Variants in CSMD1 observed in about 807,000 individuals in gnomAD.
The protein encoded by CSMD1 is CUB and sushi domain-containing protein 1.
Under a neutral mutation model 417.5 loss-of-function variants are expected in CSMD1, and 213 were observed. The ratio of observed to expected loss-of-function variants is 0.51; its 90% CI spans 0.46 to 0.57. CSMD1 has a LOEUF of 0.57. Ranked by LOEUF, CSMD1 falls within the 20% of genes least tolerant of loss-of-function variation. The pLI is 0.00. For synonymous variants in CSMD1, 2,862 were observed against 1,736.8 expected, an observed-to-expected ratio of 1.65 and a Z score of -16.11; for missense variants, 6,923 against 4,529.7, an observed-to-expected ratio of 1.53 and a Z score of -15.17.
chr8:4,750,959 T>G (rs1673254), intron 1 of CSMD1, among the ~76,000 whole-genome samples: 115,589 of 151,640 alleles, frequency 0.76, 44,198 homozygotes, highest in Admixed American at 0.81. Flanking sequence ...GCCATGTCTG[T>G]ATTGACACTT....
At chr8:4,635,421 T>A (rs1348650794) in intron 2 of CSMD1, among the ~76,000 whole-genome samples, 2 of 152,052 alleles carry the variant, frequency 1.3e-5, no homozygotes, top group Non-Finnish European at 2.9e-5. Context: ...CATAAGACCA[T>A]AAGAGATAAT....
chr8:3,292,274 G>A (rs918316623), intron 25 of CSMD1, among the ~76,000 whole-genome samples: 2 of 152,162 alleles, frequency 1.3e-5, no homozygotes, highest in Non-Finnish European at 2.9e-5. Context: ...GAGTAGGTGT[G>A]GTGTGGTGCT....
At chr8:4,455,269 G>C (rs77104677) in intron 2 of CSMD1, among the ~76,000 whole-genome samples, 16,273 of 152,088 alleles carry the variant, frequency 0.11, 1,107 homozygotes, top group South Asian at 0.22. Context: ...AAAAAAATAG[G>C]AGAAGGAGAA....
intron 3 of CSMD1, among the ~76,000 whole-genome samples, chr8:4,269,106 G>C (rs1476542777): frequency 1.3e-5 from 2 of 152,148 alleles, no homozygotes; most frequent in African/African-American, 4.8e-5. Context: ...GCCCAGGCTG[G>C]AGTGCAGTGG....
chr8:4,557,764 A>C (rs1259554951), intron 2 of CSMD1, among the ~76,000 whole-genome samples: 1 of 149,972 alleles, frequency 6.7e-6, no homozygotes, highest in South Asian at 2.1e-4. Flanking sequence ...GACAGCATTA[A>C]GATGGCACGT....
rs903688577 is a variant in CSMD1, at chr8:4,420,957, A to G, written c.303-892T>C. On this transcript the variant is annotated intron_variant, in intron 2 of 69. Coordinates refer to ENST00000635120, the MANE Select transcript of CSMD1 (RefSeq NM_033225.6). The stretch of plus-strand genomic sequence containing the variant: ...TCACCTTTCTTATCTGGTACAATTC[A>G]CGGGGATCTTCAACTCTCAAATTGT... 2.9e-4 allele frequency among the ~76,000 whole-genome samples: 44 copies of G among 152,234 alleles called. 1 individual carries two copies. The highest frequency in any genetic ancestry group is 1.2e-3 in the South Asian group (6 of 4,828).
intron 5 of CSMD1, among the ~76,000 whole-genome samples, chr8:3,892,120 G>A (rs763609944): frequency 8.9e-5 from 12 of 134,262 alleles, no homozygotes; most frequent in Non-Finnish European, 2.0e-4. Flanking sequence ...AGATACATAA[G>A]CTCTAAGATA....
In CSMD1 at chr8:3,406,106, C is replaced by A. The variant is rs902791437; in HGVS notation, c.2187G>T (p.Lys729Asn). 3 of 1,613,902 alleles carry A rather than the reference C, an allele frequency of 1.9e-6. No homozygotes were observed. Among genetic ancestry groups the A allele is most frequent in the Middle Eastern group, 1.6e-4 (1 of 6,062 alleles). ...AGGTAATGGACTCGGATCCCTGGGT[C>A]TTGACAAAGCCATCATCACAGTGGA... is the stretch of plus-strand genomic sequence containing the variant. Reference protein sequence around the residue: ...VSFHCDDGFVKTQGSESITCI... With the variant: ...VSFHCDDGFVNTQGSESITCI... The change falls in exon 15 of 70, where the codon AAG becomes AAT. Residue 729 changes from lysine to asparagine, a missense_variant. Lys to Asn is a moderately conservative substitution (Grantham distance 94). Transcript: ENST00000635120.
At chr8:3,201,563 C>T in intron 32 of CSMD1, 49 bp downstream of exon 32, 2 of 924,298 alleles carry the variant, frequency 2.2e-6, no homozygotes, top group South Asian at 3.8e-5. Flanking sequence ...AAAAATTAAT[C>T]CCCCTAGCTG....
chr8:3,259,285 T>C (rs140850584), intron 26 of CSMD1, among the ~76,000 whole-genome samples: 52 of 152,340 alleles, frequency 3.4e-4, no homozygotes, highest in Non-Finnish European at 6.8e-4. Context: ...TGAGTTTCTT[T>C]GAAAACTCAT....
chr8:3,204,589 A>G (rs1797149793), intron 31 of CSMD1, among the ~76,000 whole-genome samples: 1 of 152,146 alleles, frequency 6.6e-6, no homozygotes, highest in South Asian at 2.1e-4. Flanking sequence ...AGGCCCGGGA[A>G]TCATGACACA....
intron 11 of CSMD1, among the ~76,000 whole-genome samples, chr8:3,473,676 G>C (rs1053029857): frequency 6.6e-6 from 1 of 152,156 alleles, no homozygotes; most frequent in African/African-American, 2.4e-5. Context: ...CTCAAATGAA[G>C]TCATTTTGTT....
At chr8:3,875,813 G>C (rs1034493243) in intron 5 of CSMD1, among the ~76,000 whole-genome samples, 1 of 152,184 alleles carries the variant, frequency 6.6e-6, no homozygotes, top group Non-Finnish European at 1.5e-5. Flanking sequence ...AAACAGCTGA[G>C]AGCTTGAGGG....
chr8:4,456,998 A>AC (rs1563196199), intron 2 of CSMD1, among the ~76,000 whole-genome samples: 1 of 150,236 alleles, frequency 6.7e-6, no homozygotes, highest in Non-Finnish European at 1.5e-5. Flanking sequence ...AAAAAAAAAA[A>AC]ACAACAAGAA....
intron 2 of CSMD1, among the ~76,000 whole-genome samples, chr8:4,539,340 C>G (rs138028328): frequency 2.0e-5 from 3 of 152,258 alleles, no homozygotes; most frequent in Non-Finnish European, 4.4e-5. Flanking sequence ...ATAGACTTCC[C>G]AATCTCTTTC....
At chr8:3,123,368 G>A (rs1817317237) in intron 41 of CSMD1, among the ~76,000 whole-genome samples, 1 of 152,146 alleles carries the variant, frequency 6.6e-6, no homozygotes, top group African/African-American at 2.4e-5. Context: ...ACAGTGCCTG[G>A]AATGCCTCCT....
At chr8:4,405,975 G>T (rs945335151) in intron 3 of CSMD1, among the ~76,000 whole-genome samples, 1 of 152,174 alleles carries the variant, frequency 6.6e-6, no homozygotes. Context: ...CGCCTGTCCT[G>T]TAACAGACAT....
In CSMD1 at chr8:4,569,414, T is replaced by G. The variant is rs189137583; in HGVS notation, c.302+67928A>C. Among the ~76,000 whole-genome samples, 147 of 152,336 alleles carry G rather than the reference T, an allele frequency of 9.6e-4. 1 individual carries two copies. The highest frequency in any genetic ancestry group is 3.2e-3 in the African/African-American group (134 of 41,580). On this transcript the variant is annotated intron_variant, in intron 2 of 69. Transcript: ENST00000635120. The stretch of plus-strand genomic sequence containing the variant: ...ATTAAATAGGAAATCCTTTCCCCAT[T>G]GCTTGTTTTTGTCAGGTTTGTCAAA...
chr8:4,909,032 A>C (rs1490513235), intron 1 of CSMD1, among the ~76,000 whole-genome samples: 1 of 152,168 alleles, frequency 6.6e-6, no homozygotes, highest in East Asian at 1.9e-4. Context: ...TTAATAAAAA[A>C]TGTGATAAGC....
Sources: allele counts gnomAD v4.1 joint callset (sites outside exome capture counted in the v4.1 genomes callset), GRCh38; gene constraint gnomAD v4.1.1; transcripts MANE v1.5; gene names NCBI Gene and HGNC (gene_info 2026-07-23, HGNC 2026-07-21).